Variants in MAML3 observed in about 807,000 individuals in gnomAD.
MAML3 encodes mastermind-like protein 3.
A neutral mutation model predicts 101.9 loss-of-function variants in MAML3; 27 were observed. The observed-to-expected ratio is 0.27, with a 90% CI of 0.20 to 0.37. The LOEUF is 0.37. Among genes scored for constraint, MAML3 ranks in the 10% least tolerant of loss-of-function variants. MAML3 has a pLI of 1.00. For synonymous variants in MAML3, 501 were observed against 555.9 expected (o/e 0.90, Z 1.39); for missense variants, 1,316 against 1,444.9 (o/e 0.91, Z 1.45).
chr4:139,925,320 C>T (rs925746196), intron 1 of MAML3, among the ~76,000 whole-genome samples: 8 of 152,166 alleles, frequency 5.3e-5, no homozygotes, highest in Non-Finnish European at 1.2e-4. Flanking sequence ...ACCTTTGCCT[C>T]CTGGATTCAA....
At chr4:140,143,624 G>C (rs1366576227) in intron 1 of MAML3, among the ~76,000 whole-genome samples, 1 of 152,170 alleles carries the variant, frequency 6.6e-6, no homozygotes, top group Non-Finnish European at 1.5e-5. Flanking sequence ...AGCCGGGCGT[G>C]GTGGCGGGTG....
At position 140,051,434 on chromosome 4, in the gene MAML3, G is replaced by A. The variant is rs191221568; in HGVS notation, c.468+101426C>T. ...TAGCCAGGCGTGGTGGTACATGCCT[G>A]TAATCCCAGCTACTTGGGAGGCTGA... On this transcript the variant is annotated intron_variant, in intron 1 of 4. Transcript: ENST00000509479. 3.2e-4 allele frequency among the ~76,000 whole-genome samples: 49 copies of A among 152,168 alleles called. 1 individual carries two copies. Among genetic ancestry groups the A allele is most frequent in the African/African-American group, 1.1e-3 (45 of 41,506 alleles).
intron 2 of MAML3, among the ~76,000 whole-genome samples, chr4:139,879,556 G>T (rs1306202916): frequency 7.3e-6 from 1 of 137,026 alleles, no homozygotes; most frequent in Non-Finnish European, 1.5e-5. Context: ...GAAAAGAAAA[G>T]AAAAAAGAGA....
chr4:140,054,774 C>T (rs1727324390), intron 1 of MAML3, among the ~76,000 whole-genome samples: 1 of 152,192 alleles, frequency 6.6e-6, no homozygotes, highest in African/African-American at 2.4e-5. Context: ...TTAGAATCTT[C>T]AGTGGCCTCC....
At chr4:139,957,745 A>T (rs757689512) in intron 1 of MAML3, among the ~76,000 whole-genome samples, 44 of 152,210 alleles carry the variant, frequency 2.9e-4, no homozygotes, top group Non-Finnish European at 3.2e-4. Flanking sequence ...ATGATCATTT[A>T]CTTCCCCATT....
chr4:139,987,287 T>C (rs1024829424), intron 1 of MAML3, among the ~76,000 whole-genome samples: 5 of 152,194 alleles, frequency 3.3e-5, no homozygotes, highest in Admixed American at 2.0e-4. Context: ...CAGCAGTTTT[T>C]TGAAAGCAAA....
rs1310922815 is a variant in MAML3, at chr4:139,802,288, G to GT, written c.2080-71622dup. On this transcript the variant is annotated intron_variant, in intron 2 of 4. Coordinates refer to ENST00000509479, the MANE Select transcript of MAML3 (RefSeq NM_018717.5). ...TGGAAGATCATATACATCTTCCAAC[G>GT]TGCACCTCTCCCCGCAGTGTCTGGC... Among the ~76,000 whole-genome samples, 10 of 152,200 alleles carry GT rather than the reference G, an allele frequency of 6.6e-5. No homozygotes were observed. In the East Asian group the frequency reaches 1.9e-3, roughly 29 times the overall value.
At chr4:139,746,075 G>A (rs1201428953) in intron 2 of MAML3, among the ~76,000 whole-genome samples, 1 of 152,194 alleles carries the variant, frequency 6.6e-6, no homozygotes, top group Admixed American at 6.5e-5. Flanking sequence ...ATGACAAGTA[G>A]ACTTCATAAC....
intron 1 of MAML3, among the ~76,000 whole-genome samples, chr4:140,117,973 T>C (rs919640537): frequency 1.3e-5 from 2 of 152,092 alleles, no homozygotes; most frequent in South Asian, 2.1e-4. Flanking sequence ...CATGGTAATA[T>C]ATGCAAATAC....
chr4:140,110,965 T>C (rs1728430267), intron 1 of MAML3, among the ~76,000 whole-genome samples: 2 of 152,200 alleles, frequency 1.3e-5, no homozygotes, highest in South Asian at 4.1e-4. Context: ...TTTTAGAAAG[T>C]ATAAATAATG....
chr4:140,091,250 G>A (rs1728041548), intron 1 of MAML3, among the ~76,000 whole-genome samples: 1 of 151,990 alleles, frequency 6.6e-6, no homozygotes, highest in Admixed American at 6.6e-5. Flanking sequence ...CTCCTTGCTC[G>A]CAGCAAAGCT....
At chr4:139,883,955 CA>C (rs1732275132) in intron 2 of MAML3, among the ~76,000 whole-genome samples, 1 of 135,250 alleles carries the variant, frequency 7.4e-6, no homozygotes, top group South Asian at 2.4e-4. Flanking sequence ...AATGGGCAGT[CA>C]CTGAAACCCC....
chr4:140,065,275 C>T (rs1727515542), intron 1 of MAML3, among the ~76,000 whole-genome samples: 1 of 151,108 alleles, frequency 6.6e-6, no homozygotes, highest in African/African-American at 2.4e-5. Flanking sequence ...TGTATTTGGA[C>T]TTACGGTTTG....
chr4:139,750,305 C>G (rs1729464027), intron 2 of MAML3, among the ~76,000 whole-genome samples: 1 of 152,150 alleles, frequency 6.6e-6, no homozygotes, highest in African/African-American at 2.4e-5. Context: ...CACAGCATCC[C>G]CTGTGGGTCA....
rs567270866 is a variant in MAML3 at position 139,976,936 on chromosome 4, GAAT to G, written c.469-85972_469-85970del. Among the ~76,000 whole-genome samples the G allele has an allele frequency of 4.1e-3, 617 of 152,204 alleles. 4 individuals are homozygous for G. The highest frequency in any genetic ancestry group is 0.014 in the African/African-American group (570 of 41,528). ...AACAGAGGCCCAGGTACTATGGTCT[GAAT>G]GGCTGTATTCCCCCAAAATTCATAT... On this transcript the variant is annotated intron_variant, in intron 1 of 4. Transcript: ENST00000509479.
chr4:140,127,463 C>T (rs1412151292), intron 1 of MAML3, among the ~76,000 whole-genome samples: 1 of 152,200 alleles, frequency 6.6e-6, no homozygotes, highest in African/African-American at 2.4e-5. Context: ...TTGATAGTCA[C>T]TGCAATGGGG....
chr4:139,952,839 C>T (rs928129675), intron 1 of MAML3, among the ~76,000 whole-genome samples: 2 of 152,216 alleles, frequency 1.3e-5, no homozygotes, highest in Non-Finnish European at 2.9e-5. Flanking sequence ...CCCAAATCCC[C>T]TAGGCTATCT....
intron 2 of MAML3, among the ~76,000 whole-genome samples, chr4:139,760,715 C>T (rs1023171796): frequency 2.6e-5 from 4 of 152,180 alleles, no homozygotes; most frequent in Admixed American, 2.0e-4. Context: ...CTATACCCAT[C>T]AGAAGCCATC....
At chr4:140,152,185 G>C (rs929708948) in intron 1 of MAML3, among the ~76,000 whole-genome samples, 1 of 152,112 alleles carries the variant, frequency 6.6e-6, no homozygotes, top group African/African-American at 2.4e-5. Flanking sequence ...CCCGCGCCCC[G>C]CATCCGCGCG....
Sources: allele counts gnomAD v4.1 joint callset (sites outside exome capture counted in the v4.1 genomes callset), GRCh38; gene constraint gnomAD v4.1.1; transcripts MANE v1.5; gene names NCBI Gene and HGNC (gene_info 2026-07-23, HGNC 2026-07-21).